Variants in MAOA observed in about 807,000 individuals in gnomAD.
The protein encoded by MAOA is monoamine oxidase A.
A neutral mutation model predicts 42.0 loss-of-function variants in MAOA; 6 were observed. The ratio of observed to expected loss-of-function variants is 0.14; its 90% confidence interval spans 0.08 to 0.28. The LOEUF (loss-of-function observed/expected upper bound fraction) is 0.28, where lower values mean the gene tolerates loss of function less well. MAOA is among the 10% of genes least tolerant of loss of function. The probability of loss-of-function intolerance (pLI) is 1.00; values close to 1 mark genes in which losing one functional copy is unlikely to be tolerated. For synonymous variants in MAOA, 140 were observed against 154.0 expected, an observed-to-expected ratio of 0.91 and a Z score of 0.67; for missense variants, 262 against 422.3, an observed-to-expected ratio of 0.62 and a Z score of 3.33.
chrX:43,691,879 T>A (rs2033536355), intron 2 of MAOA, among the ~76,000 whole-genome samples: 1 of 111,061 alleles, frequency 9.0e-6, no homozygotes, highest in Non-Finnish European at 1.9e-5. Context: ...AACAGAAAGA[T>A]AATATCACGT....
intron 2 of MAOA, among the ~76,000 whole-genome samples, chrX:43,686,576 A>G (rs971674358): frequency 3.6e-5 from 4 of 112,318 alleles, no homozygotes; most frequent in African/African-American, 1.3e-4. Context: ...AGGCAGGTGG[A>G]TCACTTGAGC....
chrX:43,673,702 T>A (rs1294138738), intron 1 of MAOA, among the ~76,000 whole-genome samples: 2 of 111,756 alleles, frequency 1.8e-5, no homozygotes, highest in Non-Finnish European at 3.8e-5. Context: ...TTTTGTTATG[T>A]ACCCAGTAGT....
intron 2 of MAOA, among the ~76,000 whole-genome samples, chrX:43,687,625 G>T (rs2033497472): frequency 8.9e-6 from 1 of 112,156 alleles, no homozygotes; most frequent in African/African-American, 3.2e-5. Context: ...GTAAAATGCT[G>T]AATACAATAT....
intron 13 of MAOA, 54 bp downstream of exon 13, chrX:43,743,959 C>T: frequency 8.5e-7 from 1 of 1,171,069 alleles, no homozygotes; most frequent in Non-Finnish European, 1.1e-6. Context: ...ACGTTTTTGG[C>T]ATCTGGTCTT....
rs144431450 is a variant in MAOA, at chrX:43,711,211, C to T, written c.307-661C>T. 9.9e-3 allele frequency among the ~76,000 whole-genome samples: 1,098 copies of T among 111,057 alleles called. 16 individuals carry two copies. The highest frequency in any genetic ancestry group is 0.034 in the African/African-American group (1,041 of 30,541). ...ATGGGAGCTGGTAGCTGGGACCATC[C>T]TGCCTACACAGCTATACAGAAAAGA... On this transcript the variant is annotated intron_variant, in intron 3 of 14. Coordinates refer to ENST00000338702, the MANE Select transcript of MAOA (RefSeq NM_000240.4).
intron 5 of MAOA, 22 bp downstream of exon 5, chrX:43,712,818 A>G: frequency 9.1e-7 from 1 of 1,094,685 alleles, no homozygotes; most frequent in South Asian, 1.9e-5. Flanking sequence ...TGACCATTCA[A>G]AATTTACTTT....
At chrX:43,676,702 A>G (rs967702144) in intron 1 of MAOA, among the ~76,000 whole-genome samples, 3 of 111,842 alleles carry the variant, frequency 2.7e-5, no homozygotes, top group African/African-American at 9.8e-5. Context: ...CTCTGGAGAT[A>G]CAGCAATAAG....
intron 10 of MAOA, among the ~76,000 whole-genome samples, chrX:43,737,220 T>TCATGGGATTCAAACAAC (rs1391243101): frequency 9.0e-6 from 1 of 110,651 alleles, no homozygotes; most frequent in Non-Finnish European, 1.9e-5. Flanking sequence ...ATCTCAACAA[T>TCATGGGATTCAAACAAC]CATGGGATTC....
rs763636321 is a variant in MAOA at position 43,704,810 on chromosome X, C to G, written c.307-7062C>G. 4.5e-5 allele frequency among the ~76,000 whole-genome samples: 5 copies of G among 111,540 alleles called. No individual in the cohort carries two copies. In the South Asian group the frequency reaches 1.5e-3, roughly 33 times the overall value. On this transcript the variant is annotated intron_variant, in intron 3 of 14. Coordinates refer to ENST00000338702, the MANE Select transcript of MAOA (RefSeq NM_000240.4). ...TCAAAAATAAATTTTATTTCTAATA[C>G]AGTAGCAATGAACAATCTGAAATGA...
intron 2 of MAOA, among the ~76,000 whole-genome samples, chrX:43,692,189 G>A (rs1358037663): frequency 9.0e-6 from 1 of 110,970 alleles, no homozygotes; most frequent in Non-Finnish European, 1.9e-5. Context: ...AGGCTGAGCA[G>A]TGCTTTGGAC....
chrX:43,740,618 C>CT, intron 10 of MAOA, 63 bp from the exon 11 acceptor site: 2 of 974,607 alleles, frequency 2.1e-6, no homozygotes, highest in Non-Finnish European at 1.4e-6. Context: ...TGTATTTATT[C>CT]TATACCCATC....
At chrX:43,742,565 A>G (rs1198330844) in intron 12 of MAOA, among the ~76,000 whole-genome samples, 1 of 112,556 alleles carries the variant, frequency 8.9e-6, no homozygotes, top group Non-Finnish European at 1.9e-5. Context: ...CATGGGAGCC[A>G]TTATCTCTAT....
At chrX:43,671,707 C>G (rs1160404631) in intron 1 of MAOA, among the ~76,000 whole-genome samples, 1 of 101,878 alleles carries the variant, frequency 9.8e-6, no homozygotes, top group Non-Finnish European at 2.0e-5. Context: ...GGAATCCTTT[C>G]CCCATTGCTT....
At chrX:43,736,575 C>A (rs1198426120) in intron 10 of MAOA, among the ~76,000 whole-genome samples, 2 of 111,563 alleles carry the variant, frequency 1.8e-5, no homozygotes, top group East Asian at 5.6e-4. Flanking sequence ...GCTGTAGAAA[C>A]CGAATCCCAA....
chrX:43,717,009 G>A (rs1023573052), intron 5 of MAOA, among the ~76,000 whole-genome samples: 2 of 110,575 alleles, frequency 1.8e-5, no homozygotes, highest in African/African-American at 6.6e-5. Flanking sequence ...AGAAGGATGG[G>A]GCGAGACACA....
chrX:43,693,084 A>G (rs1488235471), intron 2 of MAOA, among the ~76,000 whole-genome samples: 1 of 112,399 alleles, frequency 8.9e-6, no homozygotes, highest in Non-Finnish European at 1.9e-5. Context: ...ACTTTACCAA[A>G]TGATGGTGCT....
chrX:43,685,650 C>T (rs1020007097), intron 2 of MAOA, among the ~76,000 whole-genome samples: 3 of 111,696 alleles, frequency 2.7e-5, no homozygotes, highest in Admixed American at 1.9e-4. Context: ...CCTTGCTATG[C>T]AAAGTGTCAT....
At chrX:43,656,296 C>T (rs1326241193), upstream of MAOA, 9 of 1,140,754 alleles carry the variant, frequency 7.9e-6, no homozygotes, top group Admixed American at 2.0e-4. Context: ...CACCCTTTGC[C>T]GTCCCCACTC....
At chrX:43,680,097 T>C (rs774263729) in intron 1 of MAOA, among the ~76,000 whole-genome samples, 5 of 112,054 alleles carry the variant, frequency 4.5e-5, no homozygotes, top group Admixed American at 1.9e-4. Flanking sequence ...GCATCAGCAA[T>C]GTAAGAGTAG....
Sources: allele counts gnomAD v4.1 joint callset (sites outside exome capture counted in the v4.1 genomes callset), GRCh38; gene constraint gnomAD v4.1.1; transcripts MANE v1.5; gene names NCBI Gene and HGNC (gene_info 2026-07-23, HGNC 2026-07-21).